The following NBAS variants were observed in gnomAD, a reference collection of about 807,000 sequenced individuals.
The protein encoded by NBAS is NAG/BC035112 fusion.
In NBAS, 219 loss-of-function variants were observed where a neutral mutation model predicts 302.5. The observed-to-expected ratio is 0.72, with a 90% CI of 0.65 to 0.81. The LOEUF (loss-of-function observed/expected upper bound fraction) is 0.81. NBAS is among the 30% of genes least tolerant of loss of function. The pLI, the probability that NBAS is intolerant of heterozygous loss-of-function variation, is 0.00. For missense variants in NBAS, 2,932 were observed against 2,841.6 expected, an observed-to-expected ratio of 1.03 and a Z score of -0.72; for synonymous variants, 1,118 against 1,021.6, an observed-to-expected ratio of 1.09 and a Z score of -1.80.
the NBAS span, among the ~76,000 whole-genome samples, chr2:15,098,654 A>T: frequency 1.5e-5 from 2 of 131,238 alleles, no homozygotes; most frequent in Admixed American, 8.6e-5. Flanking sequence ...TATTGTATAT[A>T]ATATATTATA....
At chr2:15,182,226 C>T (rs530698118) in intron 50 of NBAS, among the ~76,000 whole-genome samples, 1 of 152,230 alleles carries the variant, frequency 6.6e-6, no homozygotes, top group South Asian at 2.1e-4. Flanking sequence ...GGACTGTGAT[C>T]TCTACCAGCA....
the NBAS span, among the ~76,000 whole-genome samples, chr2:14,864,082 G>A: frequency 6.6e-6 from 1 of 152,116 alleles, no homozygotes; most frequent in East Asian, 1.9e-4. Flanking sequence ...ACTTTGGGAG[G>A]GCAAGGCAGG....
At chr2:14,916,117 T>C in the NBAS span, among the ~76,000 whole-genome samples, 2 of 152,208 alleles carry the variant, frequency 1.3e-5, no homozygotes, top group South Asian at 2.1e-4. Flanking sequence ...AATGGGATAA[T>C]GGTAATACTA....
chr2:15,445,221 C>T (rs1000856171), intron 21 of NBAS, among the ~76,000 whole-genome samples: 14 of 149,734 alleles, frequency 9.3e-5, no homozygotes, highest in African/African-American at 3.2e-4. Context: ...TTTATTGCGG[C>T]ACTATTCACA....
chr2:14,995,712 C>G, the NBAS span, among the ~76,000 whole-genome samples: 1 of 152,148 alleles, frequency 6.6e-6, no homozygotes, highest in African/African-American at 2.4e-5. Context: ...AGCTGTGTCT[C>G]CCCAAAGAAC....
intron 31 of NBAS, among the ~76,000 whole-genome samples, chr2:15,370,663 AT>A (rs1056795874): frequency 6.6e-6 from 1 of 152,126 alleles, no homozygotes; most frequent in African/African-American, 2.4e-5. Flanking sequence ...AAAGGAGATT[AT>A]TTTGGAGCTT....
rs559877144 is a variant in NBAS at position 15,272,276 on chromosome 2, A to G, written c.5724+3208T>C. On this transcript the variant is annotated intron_variant, in intron 44 of 51. Coordinates refer to ENST00000281513, the MANE Select transcript of NBAS (RefSeq NM_015909.4). ...CAGTTCTTTCCAAAAATTTCTTTCT[A>G]AATTAAATGTGGGTACACATTTGAA... Among the ~76,000 whole-genome samples, 23 of 152,330 alleles carry G rather than the reference A, an allele frequency of 1.5e-4. No individual in the cohort carries two copies. The South Asian group carries it at 4.8e-3, about 32-fold the overall frequency.
the NBAS span, among the ~76,000 whole-genome samples, chr2:14,858,068 C>A: frequency 6.6e-6 from 1 of 151,806 alleles, no homozygotes; most frequent in Admixed American, 6.6e-5. Flanking sequence ...ACAGGTAGAT[C>A]CTCAACATCA....
chr2:15,181,451 A>G (rs1354919210), intron 50 of NBAS, among the ~76,000 whole-genome samples: 1 of 152,202 alleles, frequency 6.6e-6, no homozygotes, highest in Admixed American at 6.5e-5. Flanking sequence ...TAAATCCTCT[A>G]CTATGTTTGT....
chr2:14,873,896 A>G, the NBAS span, among the ~76,000 whole-genome samples: 1 of 152,128 alleles, frequency 6.6e-6, no homozygotes, highest in African/African-American at 2.4e-5. Flanking sequence ...TCAATTTATG[A>G]GAATGGGAAA....
At chr2:14,967,992 C>T in the NBAS span, among the ~76,000 whole-genome samples, 1 of 152,136 alleles carries the variant, frequency 6.6e-6, no homozygotes, top group South Asian at 2.1e-4. Context: ...TGTGTGAGAA[C>T]CTCCCCCTAG....
the NBAS span, among the ~76,000 whole-genome samples, chr2:15,079,265 G>C: frequency 1.3e-5 from 2 of 152,144 alleles, no homozygotes; most frequent in South Asian, 4.1e-4. Context: ...AAACCTATCT[G>C]AGCCACTAAC....
intron 40 of NBAS, among the ~76,000 whole-genome samples, chr2:15,305,260 T>C (rs1438594388): frequency 6.6e-6 from 1 of 152,012 alleles, no homozygotes; most frequent in Non-Finnish European, 1.5e-5. Flanking sequence ...TGAGATCTGA[T>C]GGTTTTATAA....
intron 11 of NBAS, among the ~76,000 whole-genome samples, chr2:15,495,326 A>C (rs1165127409): frequency 6.6e-6 from 1 of 152,210 alleles, no homozygotes; most frequent in Non-Finnish European, 1.5e-5. Context: ...AAAAGCAAAC[A>C]AAAAATCTGC....
intron 2 of NBAS, among the ~76,000 whole-genome samples, chr2:15,557,063 G>A (rs1445621653): frequency 2.0e-5 from 3 of 152,100 alleles, no homozygotes; most frequent in Admixed American, 6.5e-5. Context: ...TTTCCTAACT[G>A]TTCAAGAAAT....
chr2:15,051,119 G>GAATC, the NBAS span, among the ~76,000 whole-genome samples: 6,228 of 152,284 alleles, frequency 0.041, 173 homozygotes, highest in Non-Finnish European at 0.062. Flanking sequence ...GTGAATGAGA[G>GAATC]AATCAATTAT....
intron 34 of NBAS, among the ~76,000 whole-genome samples, chr2:15,352,922 T>C (rs562027021): frequency 6.6e-6 from 1 of 152,252 alleles, no homozygotes; most frequent in South Asian, 2.1e-4. Context: ...GTGTGACAAC[T>C]GCCTGACCCA....
the NBAS span, among the ~76,000 whole-genome samples, chr2:14,898,515 C>G: frequency 6.6e-6 from 1 of 152,098 alleles, no homozygotes; most frequent in African/African-American, 2.4e-5. Flanking sequence ...GCTCTCTGTC[C>G]CCACCCAAAT....
the NBAS span, among the ~76,000 whole-genome samples, chr2:14,953,400 A>G: frequency 2.0e-5 from 3 of 151,832 alleles, no homozygotes; most frequent in Non-Finnish European, 4.4e-5. Flanking sequence ...TTTAAGTAAA[A>G]GAGATAAAAA....
Sources: gnomAD v4.1 joint callset for allele counts (sites outside exome capture counted in the v4.1 genomes callset) on GRCh38, gnomAD v4.1.1 for gene constraint, MANE v1.5 for transcripts, NCBI Gene and HGNC (gene_info 2026-07-23, HGNC 2026-07-21) for gene names.